The following LIN52 variants were observed in gnomAD, a reference collection of about 807,000 sequenced individuals.
LIN52 encodes the protein protein lin-52 homolog.
In LIN52, 4 loss-of-function variants were observed where a neutral mutation model predicts 18.5. That is an observed-to-expected ratio of 0.22 (90% CI 0.11 to 0.49). The LOEUF is 0.49. LIN52 is among the 20% of genes least tolerant of loss of function. The probability of loss-of-function intolerance (pLI) is 0.97; values close to 1 mark genes in which losing one functional copy is unlikely to be tolerated. For synonymous variants in LIN52, 34 were observed against 45.5 expected (o/e 0.75, Z 1.02); for missense variants, 102 against 139.5 (o/e 0.73, Z 1.35).
chr14:74,124,415 A>G (rs887658167), intron 5 of LIN52, among the ~76,000 whole-genome samples: 3 of 152,332 alleles, frequency 2.0e-5, no homozygotes, highest in African/African-American at 7.2e-5. Context: ...TCCCAGAAAC[A>G]TTCGTGAATT....
chr14:74,172,025 C>G (rs1343097758), intron 5 of LIN52, among the ~76,000 whole-genome samples: 1 of 152,210 alleles, frequency 6.6e-6, no homozygotes, highest in Non-Finnish European at 1.5e-5. Context: ...GCATGAGCCA[C>G]TGCTCTCGGC....
chr14:74,163,447 A>G (rs537655154), intron 5 of LIN52, among the ~76,000 whole-genome samples: 2 of 152,322 alleles, frequency 1.3e-5, no homozygotes, highest in African/African-American at 4.8e-5. Flanking sequence ...TAGAAAGAAT[A>G]TAGCTAACAT....
At chr14:74,111,330 C>T (rs2060925647) in intron 5 of LIN52, among the ~76,000 whole-genome samples, 1 of 151,952 alleles carries the variant, frequency 6.6e-6, no homozygotes, top group Non-Finnish European at 1.5e-5. Context: ...TCTCTGTTGC[C>T]CAGGCTAGAG....
At chr14:74,191,209 T>C (rs2078874234) in intron 5 of LIN52, among the ~76,000 whole-genome samples, 1 of 152,256 alleles carries the variant, frequency 6.6e-6, no homozygotes. Flanking sequence ...CTTTTTGTTC[T>C]CTGCCAATCC....
At chr14:74,112,231 T>C (rs1415195622) in intron 5 of LIN52, among the ~76,000 whole-genome samples, 3 of 152,170 alleles carry the variant, frequency 2.0e-5, no homozygotes, top group Non-Finnish European at 4.4e-5. Context: ...GATACCTTGT[T>C]GATTTTTATT....
chr14:74,097,425 CTTTT>C lies in LIN52; in HGVS notation c.133-354_133-351del, dbSNP rs35249058. 3.0e-4 allele frequency among the ~76,000 whole-genome samples: 40 copies of C among 133,550 alleles called. 1 individual carries two copies. The highest frequency in any genetic ancestry group is 1.4e-3 in the South Asian group (6 of 4,234). The allele number at this position is 133,550 out of a possible 152,430, so 87.6% of individuals were successfully genotyped here. The stretch of plus-strand genomic sequence containing the variant: ...GTGACAAGCTGCATTTTTTCTTTTT[CTTTT>C]TTTTTTTTTTTTTTGAGACAGAGTA... On this transcript the variant is annotated intron_variant, in intron 3 of 5. Transcript: ENST00000555028.
Position 74,157,178 on chromosome 14 carries a change from A to T in LIN52, c.284-41744A>T, listed in dbSNP as rs573214920. Among the ~76,000 whole-genome samples, 5 of 151,760 alleles carry T rather than the reference A, an allele frequency of 3.3e-5. No homozygotes were observed. The South Asian group carries it at 1.0e-3, about 32-fold the overall frequency. On this transcript the variant is annotated intron_variant, in intron 5 of 5. Transcript: ENST00000555028. ...CTCCTGAGTAGCTGGGACTCCAGGCATGTGCCACCACACCCAGCTAATTTT... is the reference window on the plus strand; with the variant it reads ...CTCCTGAGTAGCTGGGACTCCAGGCTTGTGCCACCACACCCAGCTAATTTT...
At chr14:74,193,587 GT>G (rs1249776385) in intron 5 of LIN52, among the ~76,000 whole-genome samples, 2 of 152,186 alleles carry the variant, frequency 1.3e-5, no homozygotes, top group Non-Finnish European at 1.5e-5. Flanking sequence ...ATCTTAGATA[GT>G]TTTCCCACCA....
intron 5 of LIN52, among the ~76,000 whole-genome samples, chr14:74,196,335 T>C (rs1425886173): frequency 2.0e-5 from 3 of 152,194 alleles, no homozygotes; most frequent in Non-Finnish European, 2.9e-5. Flanking sequence ...CTTAAAATAT[T>C]GGTCATTTTC....
At chr14:74,160,515 A>T (rs912415964) in intron 5 of LIN52, among the ~76,000 whole-genome samples, 2 of 152,176 alleles carry the variant, frequency 1.3e-5, no homozygotes, top group Non-Finnish European at 2.9e-5. Flanking sequence ...AGATTTCATG[A>T]TCATTAGGTG....
At chr14:74,119,372 G>T (rs1465691273) in intron 5 of LIN52, among the ~76,000 whole-genome samples, 2 of 151,860 alleles carry the variant, frequency 1.3e-5, no homozygotes, top group African/African-American at 2.4e-5. Flanking sequence ...CACTGTGTTA[G>T]CTAGGATGGT....
chr14:74,165,618 C>T (rs554576393), intron 5 of LIN52, among the ~76,000 whole-genome samples: 1 of 149,242 alleles, frequency 6.7e-6, no homozygotes, highest in African/African-American at 2.5e-5. Flanking sequence ...AAGCGATTCT[C>T]CTGCCTCAGC....
intron 5 of LIN52, among the ~76,000 whole-genome samples, chr14:74,110,504 C>A (rs1333470366): frequency 6.6e-6 from 1 of 152,096 alleles, no homozygotes; most frequent in East Asian, 1.9e-4. Context: ...CATGGTAAAA[C>A]CTTGTCTCTA....
At chr14:74,101,578 C>T (rs2060856297) in intron 5 of LIN52, among the ~76,000 whole-genome samples, 1 of 151,232 alleles carries the variant, frequency 6.6e-6, no homozygotes, top group Non-Finnish European at 1.5e-5. Context: ...CCTGCCTCAG[C>T]CTCCCAAGTA....
chr14:74,117,491 GC>G (rs201388049), intron 5 of LIN52, among the ~76,000 whole-genome samples: 4,408 of 151,948 alleles, frequency 0.029, 219 homozygotes, highest in African/African-American at 0.1. Context: ...TGGCGGGGGG[GC>G]TTTGAAAGTA....
chr14:74,192,101 T>C (rs1447865120), intron 5 of LIN52, among the ~76,000 whole-genome samples: 2 of 152,128 alleles, frequency 1.3e-5, no homozygotes, highest in Non-Finnish European at 2.9e-5. Flanking sequence ...TTATCTTGCA[T>C]TGGAAGATCT....
intron 5 of LIN52, among the ~76,000 whole-genome samples, chr14:74,107,492 A>T (rs1035171186): frequency 6.6e-6 from 1 of 151,670 alleles, no homozygotes; most frequent in Admixed American, 6.6e-5. Flanking sequence ...TTCATCCTTG[A>T]TTTAGAAAGT....
chr14:74,140,253 T>C (rs994743994), intron 5 of LIN52, among the ~76,000 whole-genome samples: 5 of 152,204 alleles, frequency 3.3e-5, no homozygotes, highest in African/African-American at 9.7e-5. Flanking sequence ...TACTGCAGAA[T>C]GTGCATGATT....
chr14:74,172,049 TAAAGC>T (rs1373716506), intron 5 of LIN52, among the ~76,000 whole-genome samples: 1 of 152,222 alleles, frequency 6.6e-6, no homozygotes, highest in African/African-American at 2.4e-5. Flanking sequence ...TTTTAATTCT[TAAAGC>T]AAACTTAAGT....
Sources: gnomAD v4.1 joint callset for allele counts (sites outside exome capture counted in the v4.1 genomes callset) on GRCh38, gnomAD v4.1.1 for gene constraint, MANE v1.5 for transcripts, NCBI Gene and HGNC (gene_info 2026-07-23, HGNC 2026-07-21) for gene names.